The following CTBP1 variants were observed in gnomAD, a reference collection of about 807,000 sequenced individuals.
The protein encoded by CTBP1 is C-terminal-binding protein 1.
In CTBP1, 11 loss-of-function variants were observed where a neutral mutation model predicts 42.1. The ratio of observed to expected loss-of-function variants is 0.26; its 90% CI spans 0.16 to 0.43. The LOEUF (loss-of-function observed/expected upper bound fraction) is 0.43, where lower values mean the gene tolerates loss of function less well. Among genes scored for constraint, CTBP1 ranks in the 20% least tolerant of loss-of-function variants. The pLI is 1.00. For missense variants in CTBP1, 399 were observed against 624.3 expected (o/e 0.64, Z 3.85); for synonymous variants, 324 against 277.1 (o/e 1.17, Z -1.68).
rs573272590 is a variant in CTBP1 at position 1,238,694 on chromosome 4, G to T, written c.8-357C>A. ...TCCAAGACCCTCCGAGACCCCCCAA[G>T]AAATCTCCAGACCCTCTGAGAACCT... is the stretch of plus-strand genomic sequence containing the variant. On this transcript the variant is annotated intron_variant, in intron 2 of 9. Coordinates refer to ENST00000382952, the MANE Select transcript of CTBP1 (RefSeq NM_001012614.2). The surrounding 1 kb of genome is among the most constrained non-coding windows in gnomAD (Gnocchi z 5.9). Among the ~76,000 whole-genome samples the T allele has an allele frequency of 6.7e-6, 1 of 149,218 alleles. No individual in the cohort carries two copies. The highest frequency in any genetic ancestry group is 1.5e-5 in the Non-Finnish European group (1 of 67,266).
At chr4:1,243,018 A>C (rs536782542) in intron 1 of CTBP1, 2 of 985,444 alleles carry the variant, frequency 2.0e-6, no homozygotes, top group South Asian at 9.4e-5. Flanking sequence ...AATACTGGCC[A>C]AACTCATTGA....
rs1427260638 is a variant in CTBP1 at position 1,241,357 on chromosome 4, G to A, written c.-26C>T. ...CTCTTAATATGGGCTCAGCTTCCAC[G>A]ACCATGAATTCGACTTTTCAAAGCT... On this transcript the variant is annotated 5_prime_UTR_variant, in exon 2 of 10. Coordinates refer to ENST00000382952, the MANE Select transcript of CTBP1 (RefSeq NM_001012614.2). The A allele has an allele frequency of 1.5e-5, 15 of 996,142 alleles. No homozygotes were observed. Among genetic ancestry groups the A allele is most frequent in the Middle Eastern group, 4.1e-4 (2 of 4,882 alleles). The allele number at this position is 996,142 out of a possible 1,614,324, so 61.7% of individuals were successfully genotyped here.
chr4:1,221,952 G>A (rs1314069276), intron 5 of CTBP1: 5 of 330,426 alleles, frequency 1.5e-5, no homozygotes, highest in East Asian at 2.1e-4. Flanking sequence ...CAGAGGAAGC[G>A]GCCGCCCCCT....
chr4:1,249,669 A>G (rs1292784264), upstream of CTBP1: 1 of 422,872 alleles, frequency 2.4e-6, no homozygotes, highest in African/African-American at 2.1e-5. Context: ...CCGGCGGCAC[A>G]TGGGACCCCG....
At chr4:1,239,052 G>A (rs894990899) in intron 2 of CTBP1, among the ~76,000 whole-genome samples, 1 of 152,200 alleles carries the variant, frequency 6.6e-6, no homozygotes, top group Non-Finnish European at 1.5e-5. Context: ...GAAGAGAAAA[G>A]AAACAGAACA....
At chr4:1,244,139 A>G (rs1732473612) in intron 1 of CTBP1, 1 of 985,228 alleles carries the variant, frequency 1.0e-6, no homozygotes, top group South Asian at 4.7e-5. Flanking sequence ...CCTCCTGGCC[A>G]CATGTCAACG....
intron 3 of CTBP1, 136 bp from the exon 4 acceptor site, chr4:1,228,479 G>T: frequency 1.8e-6 from 2 of 1,117,930 alleles, no homozygotes; most frequent in Non-Finnish European, 2.5e-6. Flanking sequence ...CCCGGACACT[G>T]GGAGAGGCTA....
At position 1,228,363 on chromosome 4, in the gene CTBP1, A is replaced by G. The variant is rs753778986; in HGVS notation, c.163-20T>C. 6.2e-7 allele frequency: 1 copy of G among 1,609,198 alleles called. No homozygotes were observed. Among genetic ancestry groups the G allele is most frequent in the Admixed American group, 1.7e-5 (1 of 59,794 alleles). On this transcript the variant is annotated intron_variant, in intron 3 of 9. Transcript: ENST00000382952. Reference sequence around the variant, plus strand: ...CAGGACCTGCAGCGAGAAAGCACACAGGCTCAGCCCGGAACCTGAAGACCC... The same window carrying G: ...CAGGACCTGCAGCGAGAAAGCACACGGGCTCAGCCCGGAACCTGAAGACCC...
chr4:1,230,271 G>A (rs1248994481), intron 3 of CTBP1, among the ~76,000 whole-genome samples: 3 of 152,210 alleles, frequency 2.0e-5, no homozygotes, highest in African/African-American at 4.8e-5. Flanking sequence ...GTGGGCGACT[G>A]GTGCACAGCT....
chr4:1,230,402 T>G (rs1368860793), intron 3 of CTBP1, among the ~76,000 whole-genome samples: 1 of 151,812 alleles, frequency 6.6e-6, no homozygotes. Flanking sequence ...TAAGAGAGAG[T>G]CACCTGCAGA....
intron 1 of CTBP1, chr4:1,243,386 C>A (rs748461921): frequency 1.0e-6 from 1 of 985,380 alleles, no homozygotes; most frequent in Non-Finnish European, 1.2e-6. Flanking sequence ...CCTGGGCTAG[C>A]CCTGCCAGAC....
intron 1 of CTBP1, among the ~76,000 whole-genome samples, chr4:1,246,942 GAC>G (rs1246638135): frequency 6.6e-6 from 1 of 152,226 alleles, no homozygotes; most frequent in Non-Finnish European, 1.5e-5. Context: ...AGGCAGACAG[GAC>G]GAGCCAGCAC....
chr4:1,226,700 C>T (rs1730385272), intron 4 of CTBP1, among the ~76,000 whole-genome samples: 1 of 151,760 alleles, frequency 6.6e-6, no homozygotes, highest in Non-Finnish European at 1.5e-5. Context: ...CCTCAAAAAG[C>T]ACCAGGCATG....
chr4:1,236,418 G>A (rs541786630), intron 3 of CTBP1: 10 of 559,040 alleles, frequency 1.8e-5, no homozygotes, highest in African/African-American at 3.8e-5. Context: ...AGACCGCCGC[G>A]CAACTGGGGC....
rs532653973 is a variant in CTBP1 at position 1,242,050 on chromosome 4, C to T, written c.-188-531G>A. On this transcript the variant is annotated intron_variant, in intron 1 of 9. Coordinates refer to ENST00000382952, the MANE Select transcript of CTBP1 (RefSeq NM_001012614.2). The stretch of plus-strand genomic sequence containing the variant: ...GCCTGGCACTGCCTGCACTGAGCCG[C>T]GCCGGCTCCACCTCCGACCCTCAGT... 1.5e-5 allele frequency: 15 copies of T among 988,112 alleles called. No homozygotes were observed. The East Asian group carries it at 7.9e-4, about 52-fold the overall frequency. The allele number at this position is 988,112 out of a possible 1,614,324, so 61.2% of individuals were successfully genotyped here.
rs774579302 is a variant in CTBP1 at position 1,215,978 on chromosome 4, C to T, written c.729+13G>A. ...CCGCAGAAGTAGAGTCCTGTGTCCC[C>T]GGCTCCACGCACCTGCTTGACGGTG... On this transcript the variant is annotated intron_variant, in intron 6 of 9. Transcript: ENST00000382952. 3.0e-5 allele frequency: 48 copies of T among 1,599,408 alleles called. No homozygotes were observed. The highest frequency in any genetic ancestry group is 2.2e-4 in the South Asian group (20 of 89,142).
intron 3 of CTBP1, among the ~76,000 whole-genome samples, chr4:1,232,364 T>A (rs1310210239): frequency 6.6e-6 from 1 of 152,238 alleles, no homozygotes; most frequent in Non-Finnish European, 1.5e-5. Flanking sequence ...CAGGCTGGAG[T>A]GCAGTGACAC....
In CTBP1 at chr4:1,248,977, G is replaced by T; in HGVS notation, c.-250C>A. 1 of 987,312 alleles carries T rather than the reference G, an allele frequency of 1.0e-6. No homozygotes were observed. Among genetic ancestry groups the T allele is most frequent in the South Asian group, 4.0e-5 (1 of 25,102 alleles). 61.2% of individuals were successfully genotyped at this position (987,312 alleles called of 1,614,324 possible). A position where few individuals can be genotyped will look rare whatever the true frequency, so the allele number is the denominator to read the frequency against. The stretch of plus-strand genomic sequence containing the variant: ...CCATCGAGAGGCGCGAGCGGCCGCG[G>T]GCCCCGACCACTCCGGCGCGCTGCG... On this transcript the variant is annotated 5_prime_UTR_variant, in exon 1 of 10. Transcript: ENST00000382952.
intron 1 of CTBP1, chr4:1,245,374 C>T (rs770876497): frequency 6.6e-5 from 65 of 985,432 alleles, no homozygotes; most frequent in Non-Finnish European, 7.2e-5. Context: ...ACCCCCAGAA[C>T]GCCACCTTCC....
Sources: allele counts gnomAD v4.1 joint callset (sites outside exome capture counted in the v4.1 genomes callset), GRCh38; gene constraint gnomAD v4.1.1; non-coding constraint Gnocchi (gnomAD v3.1); transcripts MANE v1.5; gene names NCBI Gene and HGNC (gene_info 2026-07-23, HGNC 2026-07-21).